Variants in AZI2 observed in about 807,000 individuals in gnomAD.
The protein encoded by AZI2 is 5-azacytidine-induced protein 2.
A neutral mutation model predicts 45.8 loss-of-function variants in AZI2; 22 were observed. That is an observed-to-expected ratio of 0.48 (90% CI 0.34 to 0.69). The LOEUF (loss-of-function observed/expected upper bound fraction) is 0.69. Ranked by LOEUF, AZI2 falls within the 30% of genes least tolerant of loss-of-function variation. The pLI is 0.01. For synonymous variants in AZI2, 137 were observed against 156.7 expected, an observed-to-expected ratio of 0.87 and a Z score of 0.94; for missense variants, 417 against 441.5, an observed-to-expected ratio of 0.94 and a Z score of 0.50.
intron 5 of AZI2, among the ~76,000 whole-genome samples, chr3:28,335,643 T>C (rs187839501): frequency 1.3e-5 from 2 of 152,116 alleles, no homozygotes; most frequent in Admixed American, 1.3e-4. Context: ...TTATTCTTAA[T>C]GTCTGGCTCA....
intron 1 of AZI2, among the ~76,000 whole-genome samples, chr3:28,345,451 T>C (rs1015045844): frequency 2.0e-5 from 3 of 152,152 alleles, no homozygotes; most frequent in Admixed American, 6.5e-5. Context: ...CTATATGTAC[T>C]CATGCAAACA....
intron 6 of AZI2, among the ~76,000 whole-genome samples, chr3:28,329,941 T>A (rs1483754314): frequency 6.6e-6 from 1 of 151,314 alleles, no homozygotes; most frequent in Non-Finnish European, 1.5e-5. Flanking sequence ...TTATAATGCT[T>A]ATTATAACTA....
chr3:28,329,701 T>C lies in AZI2; in HGVS notation c.647+2668A>G, dbSNP rs190653321. ...ACTATTACATCCTCCATCATCACAG[T>C]AGAATTAAACTATGGGATATTCTTA... On this transcript the variant is annotated intron_variant, in intron 6 of 7. Coordinates refer to ENST00000479665, the MANE Select transcript of AZI2 (RefSeq NM_022461.5). Among the ~76,000 whole-genome samples the C allele has an allele frequency of 3.5e-3, 527 of 151,400 alleles. 5 individuals carry two copies. The highest frequency in any genetic ancestry group is 0.012 in the African/African-American group (514 of 41,450).
Position 28,342,739 on chromosome 3 carries a change from AC to A in AZI2, c.-5-2118del, listed in dbSNP as rs1559463869. Among the ~76,000 whole-genome samples, 9 of 135,164 alleles carry A rather than the reference AC, an allele frequency of 6.7e-5. No homozygotes were observed. The South Asian group carries it at 2.1e-3, about 31-fold the overall frequency. 88.7% of individuals were successfully genotyped at this position (135,164 alleles called of 152,430 possible). On this transcript the variant is annotated intron_variant, in intron 1 of 7. Coordinates refer to ENST00000479665, the MANE Select transcript of AZI2 (RefSeq NM_022461.5). ...CACACACACACACACACACACACAC[AC>A]ACACACACTCCCCTTAAAAGTAGAG...
intron 1 of AZI2, 102 bp downstream of exon 1, chr3:28,348,497 TGA>T (rs1704365672): frequency 6.7e-6 from 1 of 148,622 alleles, no homozygotes; most frequent in Admixed American, 6.7e-5. Context: ...CGGGAGGGAG[TGA>T]GAAAAAAATG....
chr3:28,339,152 A>G (rs1703915307), intron 2 of AZI2, among the ~76,000 whole-genome samples: 1 of 151,894 alleles, frequency 6.6e-6, no homozygotes, highest in South Asian at 2.1e-4. Context: ...TAATTTTTGT[A>G]TTTTTAGTAG....
chr3:28,335,356 C>G (rs1021491135), intron 5 of AZI2, among the ~76,000 whole-genome samples: 2 of 151,732 alleles, frequency 1.3e-5, no homozygotes, highest in African/African-American at 4.8e-5. Flanking sequence ...ATATCTTTTC[C>G]TGTAAACCCA....
chr3:28,325,298 CAAG>C (rs1703348396), intron 7 of AZI2, among the ~76,000 whole-genome samples: 1 of 150,984 alleles, frequency 6.6e-6, no homozygotes, highest in African/African-American at 2.4e-5. Flanking sequence ...ATCCTTAGCT[CAAG>C]AAGGATGGCC....
chr3:28,335,417 G>C (rs946750049), intron 5 of AZI2, among the ~76,000 whole-genome samples: 2 of 151,944 alleles, frequency 1.3e-5, no homozygotes, highest in Non-Finnish European at 2.9e-5. Context: ...CTGTAGAACA[G>C]GATGCTGAGT....
rs567741514 is a variant in AZI2, at chr3:28,324,441, T to G, written c.780A>C (p.Val260=). 4 of 1,482,586 alleles carry G rather than the reference T, an allele frequency of 2.7e-6. No homozygotes were observed. In the East Asian group the frequency reaches 9.2e-5, roughly 34 times the overall value. 91.8% of individuals were successfully genotyped at this position (1,482,586 alleles called of 1,614,324 possible). A position where few individuals can be genotyped will look rare whatever the true frequency, so the allele number is the denominator to read the frequency against. The change falls in exon 8 of 8, where the codon GTA becomes GTC. Residue 260 remains valine, a synonymous_variant. Coordinates refer to ENST00000479665, the MANE Select transcript of AZI2 (RefSeq NM_022461.5). ...CTCTTCCAAGGTCTTCACTGCATCCTACAGGGGCACAGGCTAAAAAGAAAA... is the reference window on the plus strand; with the variant it reads ...CTCTTCCAAGGTCTTCACTGCATCCGACAGGGGCACAGGCTAAAAAGAAAA... ...STAIKKACAP[V]GCSEDLGRDS... is the part of the protein sequence containing the mutation.
At chr3:28,326,078 C>G (rs1174378511) in intron 7 of AZI2, among the ~76,000 whole-genome samples, 1 of 150,976 alleles carries the variant, frequency 6.6e-6, no homozygotes, top group Admixed American at 6.6e-5. Flanking sequence ...AAAGTCCTAT[C>G]TCATTTTTAA....
intron 6 of AZI2, among the ~76,000 whole-genome samples, chr3:28,329,102 C>G (rs1703488159): frequency 6.6e-6 from 1 of 151,222 alleles, no homozygotes; most frequent in African/African-American, 2.4e-5. Context: ...TATACAACTA[C>G]TTAAAATATT....
rs749522214 is a variant in AZI2, at chr3:28,323,998, AAG to A, written c.*42_*43del. The A allele has an allele frequency of 6.5e-7, 1 of 1,529,270 alleles. No individual in the cohort carries two copies. The highest frequency in any genetic ancestry group is 8.8e-7 in the Non-Finnish European group (1 of 1,130,418). 94.7% of individuals were successfully genotyped at this position (1,529,270 alleles called of 1,614,324 possible). A position where few individuals can be genotyped will look rare whatever the true frequency, so the allele number is the denominator to read the frequency against. On this transcript the variant is annotated 3_prime_UTR_variant, in exon 8 of 8. Coordinates refer to ENST00000479665, the MANE Select transcript of AZI2 (RefSeq NM_022461.5). ...AATAATTTCTTGGGAGGACCACTGAAAGAGATAAGTGTCCTCATGGTGAAATC... is the reference window on the plus strand; with the variant it reads ...AATAATTTCTTGGGAGGACCACTGAAAGATAAGTGTCCTCATGGTGAAATC...
chr3:28,336,670 T>TA, intron 5 of AZI2, 67 bp downstream of exon 5: 1 of 1,458,930 alleles, frequency 6.9e-7, no homozygotes, highest in Non-Finnish European at 9.5e-7. Flanking sequence ...AATACAATCT[T>TA]AGTTATAAAT....
intron 3 of AZI2, 39 bp downstream of exon 3, chr3:28,338,454 T>G (rs775455738): frequency 2.7e-6 from 4 of 1,483,814 alleles, no homozygotes; most frequent in Admixed American, 1.9e-5. Context: ...GAAAATTCAT[T>G]TCCAAAATGC....
chr3:28,322,139 T>C lies in AZI2; in HGVS notation c.*1903A>G, dbSNP rs1248899750. 6.6e-6 allele frequency: 1 copy of C among 151,248 alleles called. No individual in the cohort carries two copies. The highest frequency in any genetic ancestry group is 1.5e-5 in the Non-Finnish European group (1 of 67,442). 9.4% of individuals were successfully genotyped at this position (151,248 alleles called of 1,614,324 possible). A position where few individuals can be genotyped will look rare whatever the true frequency, so the allele number is the denominator to read the frequency against. On this transcript the variant is annotated 3_prime_UTR_variant, in exon 8 of 8. Coordinates refer to ENST00000479665, the MANE Select transcript of AZI2 (RefSeq NM_022461.5). ...GCTAATCTTTCCTTACTAAAGAACC[T>C]TATACATCATTTGTCTAACACTTTA...
chr3:28,326,670 A>G lies in AZI2; in HGVS notation c.766+162T>C, dbSNP rs1466336925. The G allele has an allele frequency of 8.4e-6, 6 of 712,318 alleles. No homozygotes were observed. In the South Asian group the frequency reaches 8.7e-5, roughly 10 times the overall value. 44.1% of individuals were successfully genotyped at this position (712,318 alleles called of 1,614,324 possible). On this transcript the variant is annotated intron_variant, in intron 7 of 7. Coordinates refer to ENST00000479665, the MANE Select transcript of AZI2 (RefSeq NM_022461.5). ...ACCTTTATGTGTGAAGTTGACCAGTATGAGACTGAAGCCAAAGCAGAGAAT... is the reference window on the plus strand; with the variant it reads ...ACCTTTATGTGTGAAGTTGACCAGTGTGAGACTGAAGCCAAAGCAGAGAAT...
At chr3:28,326,764 A>C (rs1703406079) in intron 7 of AZI2, 68 bp downstream of exon 7, 1 of 1,121,766 alleles carries the variant, frequency 8.9e-7, no homozygotes, top group African/African-American at 1.5e-5. Context: ...TTTTGATAAG[A>C]TATGACAGCT....
chr3:28,345,220 A>G (rs1451821163), intron 1 of AZI2, among the ~76,000 whole-genome samples: 2 of 152,184 alleles, frequency 1.3e-5, no homozygotes, highest in African/African-American at 4.8e-5. Context: ...CAATTTGAGA[A>G]CCACTCATCA....
Sources: allele counts gnomAD v4.1 joint callset (sites outside exome capture counted in the v4.1 genomes callset), GRCh38; gene constraint gnomAD v4.1.1; transcripts MANE v1.5; gene names NCBI Gene and HGNC (gene_info 2026-07-23, HGNC 2026-07-21).